GNG7: variants seen among roughly 807,000 people sequenced by gnomAD.
GNG7 encodes the protein G protein subunit gamma 7.
In GNG7, 1 loss-of-function variant was observed where a neutral mutation model predicts 4.0. The observed-to-expected ratio is 0.25, with a 90% CI of 0.09 to 1.18. The LOEUF (loss-of-function observed/expected upper bound fraction) is 1.18. GNG7 is among the 50% of genes most tolerant of loss of function. GNG7 has a pLI of 0.50. For missense variants in GNG7, 86 were observed against 91.9 expected, an observed-to-expected ratio of 0.94 and a Z score of 0.26; for synonymous variants, 34 against 36.9, an observed-to-expected ratio of 0.92 and a Z score of 0.29.
chr19:2,525,256 A>G (rs1365218413), intron 3 of GNG7, among the ~76,000 whole-genome samples: 1 of 152,134 alleles, frequency 6.6e-6, no homozygotes. Context: ...AGGTGGTCAA[A>G]GGTGCACACA....
At chr19:2,695,006 G>A (rs939231332) in intron 1 of GNG7, among the ~76,000 whole-genome samples, 3 of 151,944 alleles carry the variant, frequency 2.0e-5, no homozygotes, top group African/African-American at 7.3e-5. Context: ...GGACCTCCAC[G>A]TTTACAAAAA....
At chr19:2,636,974 T>C (rs551861441) in intron 2 of GNG7, among the ~76,000 whole-genome samples, 2 of 150,396 alleles carry the variant, frequency 1.3e-5, no homozygotes, top group Non-Finnish European at 3.0e-5. Flanking sequence ...CCACCTGCAC[T>C]TCCGTCCCCA....
chr19:2,617,444 G>C lies in GNG7; in HGVS notation c.-78+28780C>G, dbSNP rs1981751704. On this transcript the variant is annotated intron_variant, in intron 2 of 4. Transcript: ENST00000382159. The surrounding 1 kb of genome is among the most constrained non-coding windows in gnomAD (Gnocchi z 4.7). Reference sequence around the variant, plus strand: ...CAAGAAGCCACACTAGGTCACCTCAGACCAAGGACATTCTGCCATGATGCT... The same window carrying C: ...CAAGAAGCCACACTAGGTCACCTCACACCAAGGACATTCTGCCATGATGCT... 6.6e-6 allele frequency among the ~76,000 whole-genome samples: 1 copy of C among 152,122 alleles called. No homozygotes were observed. Among genetic ancestry groups the C allele is most frequent in the Non-Finnish European group, 1.5e-5 (1 of 68,006 alleles).
At chr19:2,672,683 T>A (rs1156697519) in intron 1 of GNG7, among the ~76,000 whole-genome samples, 1 of 151,986 alleles carries the variant, frequency 6.6e-6, no homozygotes, top group Non-Finnish European at 1.5e-5. Context: ...TGGCCTCAAG[T>A]GATTTGCCCG....
intron 2 of GNG7, among the ~76,000 whole-genome samples, chr19:2,640,998 T>G (rs1377464378): frequency 6.6e-6 from 1 of 152,198 alleles, no homozygotes; most frequent in Non-Finnish European, 1.5e-5. Context: ...TAAAATGACC[T>G]GCTTGAGAAA....
chr19:2,621,061 A>T (rs953189051), intron 2 of GNG7, among the ~76,000 whole-genome samples: 1 of 152,022 alleles, frequency 6.6e-6, no homozygotes, highest in African/African-American at 2.4e-5. Flanking sequence ...TCCTTAGCAC[A>T]GCGCCTTCCT....
At position 2,556,724 on chromosome 19, in the gene GNG7, G is replaced by A. The variant is rs929255006; in HGVS notation, c.-77-1536C>T. Among the ~76,000 whole-genome samples the A allele has an allele frequency of 7.4e-4, 113 of 152,274 alleles. 1 individual carries two copies. The highest frequency in any genetic ancestry group is 2.6e-3 in the African/African-American group (109 of 41,550). Reference sequence around the variant, plus strand: ...CCCGGGTCTCAGCTGCAGGAAGGCGGTGACTGAGGTCACCTTCTCCTAAGC... The same window carrying A: ...CCCGGGTCTCAGCTGCAGGAAGGCGATGACTGAGGTCACCTTCTCCTAAGC... On this transcript the variant is annotated intron_variant, in intron 2 of 4. Coordinates refer to ENST00000382159, the MANE Select transcript of GNG7 (RefSeq NM_052847.3).
rs532103478 is a variant in GNG7, at chr19:2,587,796, G to A, written c.-77-32608C>T. Among the ~76,000 whole-genome samples, 8 of 151,778 alleles carry A rather than the reference G, an allele frequency of 5.3e-5. No homozygotes were observed. The South Asian group carries it at 8.4e-4, about 16-fold the overall frequency. On this transcript the variant is annotated intron_variant, in intron 2 of 4. Coordinates refer to ENST00000382159, the MANE Select transcript of GNG7 (RefSeq NM_052847.3). ...GCAGAGGTTGCGGTGAGCCAAGATCGTGCCACTGCACTCCAGCCTGGGCGA... is the reference window on the plus strand; with the variant it reads ...GCAGAGGTTGCGGTGAGCCAAGATCATGCCACTGCACTCCAGCCTGGGCGA...
At chr19:2,559,934 C>G (rs2907335) in intron 2 of GNG7, among the ~76,000 whole-genome samples, 1 of 152,112 alleles carries the variant, frequency 6.6e-6, no homozygotes, top group African/African-American at 2.4e-5. Flanking sequence ...CTGAGGGACA[C>G]GAGAAGGGGC....
intron 3 of GNG7, among the ~76,000 whole-genome samples, chr19:2,527,121 G>A (rs1271166452): frequency 1.3e-5 from 2 of 152,210 alleles, no homozygotes; most frequent in Non-Finnish European, 2.9e-5. Flanking sequence ...TGGGATTACA[G>A]GCGTGAGCCA....
chr19:2,599,565 G>A (rs1981136799), intron 2 of GNG7, among the ~76,000 whole-genome samples: 1 of 152,112 alleles, frequency 6.6e-6, no homozygotes, highest in Admixed American at 6.6e-5. Flanking sequence ...TCATGAAGCT[G>A]TTGAGTTATT....
At chr19:2,545,971 A>C (rs1001844852) in intron 3 of GNG7, among the ~76,000 whole-genome samples, 2 of 151,980 alleles carry the variant, frequency 1.3e-5, no homozygotes, top group East Asian at 1.9e-4. Flanking sequence ...AAAACAAAAC[A>C]AAACAAAACA....
At chr19:2,658,039 T>C (rs2159916) in intron 1 of GNG7, among the ~76,000 whole-genome samples, 152,165 of 152,180 alleles carry the variant, frequency 1, 76,075 homozygotes, top group Middle Eastern at 1. Context: ...TAAATAACAG[T>C]GCAGCCTGGC....
At chr19:2,534,482 C>T (rs35730496) in intron 3 of GNG7, among the ~76,000 whole-genome samples, 4,237 of 152,340 alleles carry the variant, frequency 0.028, 80 homozygotes, top group Non-Finnish European at 0.042. Flanking sequence ...TCCCCCAGCT[C>T]CAATCCCATC....
chr19:2,694,099 G>A (rs1332135761), intron 1 of GNG7, among the ~76,000 whole-genome samples: 1 of 151,962 alleles, frequency 6.6e-6, no homozygotes, highest in Non-Finnish European at 1.5e-5. Context: ...TCTCTCTCTG[G>A]GGTTGGGCTA....
intron 1 of GNG7, among the ~76,000 whole-genome samples, chr19:2,701,715 CT>C (rs1472404422): frequency 1.3e-5 from 2 of 150,988 alleles, no homozygotes; most frequent in Non-Finnish European, 3.0e-5. Flanking sequence ...CCAGCCCCCT[CT>C]CCAGCTCCCT....
intron 1 of GNG7, among the ~76,000 whole-genome samples, chr19:2,661,705 G>A (rs55748917): frequency 0.13 from 19,091 of 145,812 alleles, 1,303 homozygotes; most frequent in Middle Eastern, 0.16. Flanking sequence ...AGGAAGGAAG[G>A]AAAAAAGGAA....
chr19:2,572,739 A>G (rs1464582407), intron 2 of GNG7, among the ~76,000 whole-genome samples: 1 of 151,506 alleles, frequency 6.6e-6, no homozygotes, highest in Non-Finnish European at 1.5e-5. Context: ...GGCTGCAGAC[A>G]TGAACCAGCA....
intron 3 of GNG7, among the ~76,000 whole-genome samples, chr19:2,537,333 A>G (rs1458579464): frequency 6.8e-6 from 1 of 147,608 alleles, no homozygotes; most frequent in Non-Finnish European, 1.5e-5. Flanking sequence ...GCAGCCTCCA[A>G]CTCCCGGGCT....
Sources: gnomAD v4.1 joint callset for allele counts (sites outside exome capture counted in the v4.1 genomes callset) on GRCh38, gnomAD v4.1.1 for gene constraint, Gnocchi (gnomAD v3.1) non-coding constraint, MANE v1.5 for transcripts, NCBI Gene and HGNC (gene_info 2026-07-23, HGNC 2026-07-21) for gene names.